The following DLGAP1 variants were observed in gnomAD, a reference collection of about 807,000 sequenced individuals.
DLGAP1 encodes the protein DLG associated protein 1, also known as disks large-associated protein 1.
A neutral mutation model predicts 90.8 loss-of-function variants in DLGAP1; 11 were observed. The ratio of observed to expected loss-of-function variants is 0.12; its 90% CI spans 0.08 to 0.20. DLGAP1 has a LOEUF of 0.20. Among genes scored for constraint, DLGAP1 ranks in the 10% least tolerant of loss-of-function variants. DLGAP1 has a pLI of 1.00. For missense variants in DLGAP1, 1,050 were observed against 1,333.8 expected, an observed-to-expected ratio of 0.79 and a Z score of 3.31; for synonymous variants, 558 against 540.7, an observed-to-expected ratio of 1.03 and a Z score of -0.44.
chr18:3,925,745 A>G (rs2072368360), intron 3 of DLGAP1, among the ~76,000 whole-genome samples: 1 of 152,226 alleles, frequency 6.6e-6, no homozygotes, highest in Non-Finnish European at 1.5e-5. Flanking sequence ...GTTCTCATTC[A>G]TTAACTACAT....
intron 5 of DLGAP1, among the ~76,000 whole-genome samples, chr18:3,759,263 A>G (rs2063849970): frequency 6.6e-6 from 1 of 151,830 alleles, no homozygotes; most frequent in Non-Finnish European, 1.5e-5. Flanking sequence ...CTGCCAAAAA[A>G]AAAAAAAAAC....
chr18:3,977,434 G>GTGTTTTTTTTT (rs1555718019), intron 3 of DLGAP1, among the ~76,000 whole-genome samples: 20 of 95,336 alleles, frequency 2.1e-4, no homozygotes, highest in African/African-American at 8.3e-4. Context: ...TTTATTCTGT[G>GTGTTTTTTTTT]TTTTTTTTTT....
intron 5 of DLGAP1, among the ~76,000 whole-genome samples, chr18:3,794,033 C>T (rs1255794722): frequency 6.6e-6 from 1 of 152,196 alleles, no homozygotes; most frequent in Non-Finnish European, 1.5e-5. Context: ...GTGCCTGGTA[C>T]ACAGCAAGGT....
chr18:3,950,077 T>A (rs937902061), intron 3 of DLGAP1, among the ~76,000 whole-genome samples: 1 of 152,230 alleles, frequency 6.6e-6, no homozygotes, highest in Non-Finnish European at 1.5e-5. Context: ...AACATCTCCA[T>A]GTTCAAGAAC....
chr18:3,954,167 T>C (rs1474075764), intron 3 of DLGAP1, among the ~76,000 whole-genome samples: 1 of 152,226 alleles, frequency 6.6e-6, no homozygotes, highest in African/African-American at 2.4e-5. Flanking sequence ...AATGGTCAAA[T>C]GTGGAAAAGA....
intron 2 of DLGAP1, among the ~76,000 whole-genome samples, chr18:4,125,654 C>CAAAG (rs10673076): frequency 0.2 from 30,696 of 151,870 alleles, 3,295 homozygotes; most frequent in African/African-American, 0.26. Context: ...AACAAACAAA[C>CAAAG]GAAAAACAAA....
At chr18:4,265,600 T>C (rs184953217) in intron 1 of DLGAP1, among the ~76,000 whole-genome samples, 4 of 117,040 alleles carry the variant, frequency 3.4e-5, no homozygotes, top group Non-Finnish European at 6.9e-5. Flanking sequence ...TTTTGCTTTC[T>C]TTCCTTCCTT....
chr18:3,858,967 A>G (rs1056776898), intron 4 of DLGAP1, among the ~76,000 whole-genome samples: 4 of 152,222 alleles, frequency 2.6e-5, no homozygotes, highest in African/African-American at 7.2e-5. Context: ...AGCTTTTTCC[A>G]TACATGAGGT....
At chr18:3,942,101 T>C (rs1308554201) in intron 3 of DLGAP1, among the ~76,000 whole-genome samples, 1 of 152,158 alleles carries the variant, frequency 6.6e-6, no homozygotes, top group Non-Finnish European at 1.5e-5. Flanking sequence ...GGGTTTTGGA[T>C]TTAGGTAGTG....
chr18:4,365,455 T>C (rs1177950630), intron 1 of DLGAP1, among the ~76,000 whole-genome samples: 3 of 152,164 alleles, frequency 2.0e-5, no homozygotes, highest in Admixed American at 6.5e-5. Context: ...TTTGAAGTGA[T>C]AGAAAATGTT....
At chr18:4,096,169 G>A (rs1394205156) in intron 2 of DLGAP1, among the ~76,000 whole-genome samples, 1 of 152,100 alleles carries the variant, frequency 6.6e-6, no homozygotes, top group African/African-American at 2.4e-5. Flanking sequence ...GGGATTGCAG[G>A]TGTGTGCCAC....
At chr18:4,320,365 T>C (rs1337453729) in intron 1 of DLGAP1, among the ~76,000 whole-genome samples, 3 of 152,228 alleles carry the variant, frequency 2.0e-5, no homozygotes, top group South Asian at 4.1e-4. Context: ...TTTTTAAAGT[T>C]ATTTGAATTA....
At chr18:3,951,080 C>G (rs2072976340) in intron 3 of DLGAP1, among the ~76,000 whole-genome samples, 1 of 152,190 alleles carries the variant, frequency 6.6e-6, no homozygotes, top group African/African-American at 2.4e-5. Flanking sequence ...TTGGGGTCAG[C>G]AGAGCCTAGA....
intron 4 of DLGAP1, chr18:3,821,753 A>G: frequency 3.6e-6 from 1 of 277,734 alleles, no homozygotes; most frequent in Non-Finnish European, 5.5e-6. Context: ...GGAGCCTTGA[A>G]GCATCCCAAC....
chr18:4,143,467 A>C (rs2076529785), intron 2 of DLGAP1, among the ~76,000 whole-genome samples: 1 of 151,648 alleles, frequency 6.6e-6, no homozygotes, highest in African/African-American at 2.4e-5. Context: ...CTCTTGAGTT[A>C]GCTTGTGGTG....
In DLGAP1 at chr18:3,531,450, T is replaced by G. The variant is rs114574183; in HGVS notation, c.2479+2744A>C. On this transcript the variant is annotated intron_variant, in intron 10 of 12. Transcript: ENST00000315677. ...AAGACTCTGTCTTTTAAAAAAAAAATTATTGTTTTTGTTACGTACGATAAT... is the reference window on the plus strand; with the variant it reads ...AAGACTCTGTCTTTTAAAAAAAAAAGTATTGTTTTTGTTACGTACGATAAT... Among the ~76,000 whole-genome samples, 533 of 151,518 alleles carry G rather than the reference T, an allele frequency of 3.5e-3. 2 individuals are homozygous for G. The highest frequency in any genetic ancestry group is 0.012 in the African/African-American group (509 of 41,158).
At chr18:3,976,412 A>G (rs2073581179) in intron 3 of DLGAP1, among the ~76,000 whole-genome samples, 1 of 152,040 alleles carries the variant, frequency 6.6e-6, no homozygotes, top group African/African-American at 2.4e-5. Flanking sequence ...CCATAATAAC[A>G]AATGCATTAA....
chr18:3,899,200 A>G (rs971840613), intron 3 of DLGAP1, among the ~76,000 whole-genome samples: 3 of 152,194 alleles, frequency 2.0e-5, no homozygotes, highest in Non-Finnish European at 4.4e-5. Context: ...GGCAGTCTGC[A>G]TTGACAGGTG....
chr18:3,928,603 GACA>G (rs2072445889), intron 3 of DLGAP1, among the ~76,000 whole-genome samples: 1 of 152,090 alleles, frequency 6.6e-6, no homozygotes, highest in East Asian at 1.9e-4. Context: ...ATTTAATCTT[GACA>G]ACACCTTAAA....
Sources: allele counts gnomAD v4.1 joint callset (sites outside exome capture counted in the v4.1 genomes callset), GRCh38; gene constraint gnomAD v4.1.1; transcripts MANE v1.5; gene names NCBI Gene and HGNC (gene_info 2026-07-23, HGNC 2026-07-21).